The following RCSD1 variants were observed in gnomAD, a reference collection of about 807,000 sequenced individuals.
The protein encoded by RCSD1 is capZ-interacting protein.
A neutral mutation model predicts 42.5 loss-of-function variants in RCSD1; 26 were observed. That is an observed-to-expected ratio of 0.61 (90% confidence interval 0.45 to 0.85). The LOEUF (loss-of-function observed/expected upper bound fraction) is 0.85. Among genes scored for constraint, RCSD1 ranks in the 40% least tolerant of loss-of-function variants. The pLI, the probability that RCSD1 is intolerant of heterozygous loss-of-function variation, is 0.00. For synonymous variants in RCSD1, 220 were observed against 212.2 expected (o/e 1.04, Z -0.32); for missense variants, 571 against 528.3 (o/e 1.08, Z -0.79).
chr1:167,666,171 T>C (rs935345090), intron 1 of RCSD1, among the ~76,000 whole-genome samples: 1 of 152,110 alleles, frequency 6.6e-6, no homozygotes, highest in Non-Finnish European at 1.5e-5. Flanking sequence ...CTGGAGGCAG[T>C]GTGGAGTTGT....
At chr1:167,635,889 T>C (rs1304265419) in intron 1 of RCSD1, among the ~76,000 whole-genome samples, 1 of 152,204 alleles carries the variant, frequency 6.6e-6, no homozygotes, top group Non-Finnish European at 1.5e-5. Flanking sequence ...TGGGGAGTAG[T>C]TCAACCCAAG....
chr1:167,663,155 T>C (rs758473375), intron 1 of RCSD1, among the ~76,000 whole-genome samples: 14 of 152,200 alleles, frequency 9.2e-5, no homozygotes, highest in Non-Finnish European at 1.3e-4. Flanking sequence ...AGGACAGGGC[T>C]TGTCTGCTCA....
At chr1:167,686,181 T>C (rs1659231808) in intron 3 of RCSD1, among the ~76,000 whole-genome samples, 1 of 152,186 alleles carries the variant, frequency 6.6e-6, no homozygotes, top group Non-Finnish European at 1.5e-5. Flanking sequence ...CAGCAACCCA[T>C]GAACCTTCAC....
chr1:167,704,272 T>C (rs780753621), intron 6 of RCSD1, among the ~76,000 whole-genome samples: 13 of 151,964 alleles, frequency 8.6e-5, no homozygotes, highest in Admixed American at 5.9e-4. Flanking sequence ...AATGAGTGAA[T>C]AGGTAAGAGG....
At chr1:167,687,041 G>A (rs764145864) in intron 3 of RCSD1, among the ~76,000 whole-genome samples, 4 of 152,182 alleles carry the variant, frequency 2.6e-5, no homozygotes, top group Non-Finnish European at 4.4e-5. Flanking sequence ...CTCCATCCTG[G>A]CAGCTCTGTG....
intron 1 of RCSD1, among the ~76,000 whole-genome samples, chr1:167,682,668 A>AGTGTGTGTGTGTGT (rs10607777): frequency 2.0e-4 from 28 of 142,618 alleles, no homozygotes; most frequent in Admixed American, 3.5e-4. Flanking sequence ...GCCATGGAAG[A>AGTGTGTGTGTGTGT]GTGTGTGTGT....
rs780006038 is a variant in RCSD1, at chr1:167,694,099, G to A, written c.271G>A (p.Ala91Thr). 10 of 1,614,072 alleles carry A rather than the reference G, an allele frequency of 6.2e-6. No homozygotes were observed. The South Asian group carries it at 9.9e-5, about 16-fold the overall frequency. ...GAAATTGTTCATCTTTTCTTGACAGGCCAATTTAACCTTTGACCCAGCTGC... is the reference window on the plus strand; with the variant it reads ...GAAATTGTTCATCTTTTCTTGACAGACCAATTTAACCTTTGACCCAGCTGC... ...KSSPLIEKLQ[A>T]NLTFDPAALL... The change falls in exon 5 of 7, where the codon GCC (alanine) becomes ACC (threonine). Residue 91 changes from alanine (A) to threonine (T), a missense_variant and splice_region_variant. Physicochemically the swap from Ala to Thr is moderately conservative, Grantham distance 58. Transcript: ENST00000367854.
Position 167,694,247 on chromosome 1 carries a change from T to C in RCSD1, c.419T>C (p.Val140Ala), listed in dbSNP as rs1235797493. ...VRSRPSEAEE[V>A]PVSFDQPPEG... Reference sequence around the variant, plus strand: ...TCTAGGCCCAGCGAGGCAGAGGAGGTGCCTGTCAGCTTCGACCAGCCCCCT... The same window carrying C: ...TCTAGGCCCAGCGAGGCAGAGGAGGCGCCTGTCAGCTTCGACCAGCCCCCT... Residue 140 changes from valine to alanine, a missense_variant, in exon 5 of 7, where the codon GTG (valine) becomes GCG (alanine). Val to Ala is a moderately conservative substitution (Grantham distance 64). Coordinates refer to ENST00000367854, the MANE Select transcript of RCSD1 (RefSeq NM_052862.4). 4 of 1,614,058 alleles carry C rather than the reference T, an allele frequency of 2.5e-6. No individual in the cohort carries two copies. The highest frequency in any genetic ancestry group is 3.4e-6 in the Non-Finnish European group (4 of 1,180,002).
chr1:167,703,009 C>T (rs1310782804), intron 6 of RCSD1, among the ~76,000 whole-genome samples: 1 of 152,164 alleles, frequency 6.6e-6, no homozygotes, highest in South Asian at 2.1e-4. Context: ...AAGTCATTCC[C>T]CTTGGTTTCT....
At chr1:167,690,412 C>A (rs1659347496) in intron 4 of RCSD1, among the ~76,000 whole-genome samples, 4 of 152,098 alleles carry the variant, frequency 2.6e-5, no homozygotes, top group Admixed American at 2.6e-4. Flanking sequence ...CTGGGCTCAC[C>A]CCTATAATCC....
intron 1 of RCSD1, chr1:167,663,974 G>A (rs2102216258): frequency 6.6e-6 from 1 of 152,302 alleles, no homozygotes; most frequent in East Asian, 1.9e-4. Flanking sequence ...GGGAAACTAA[G>A]GCTCAATAAG....
chr1:167,652,433 C>T (rs1221281492), intron 1 of RCSD1, among the ~76,000 whole-genome samples: 1 of 152,246 alleles, frequency 6.6e-6, no homozygotes, highest in East Asian at 1.9e-4. Context: ...CCTCACCGGG[C>T]CCAGATACTT....
chr1:167,695,140 G>T (rs1424021900), intron 5 of RCSD1, among the ~76,000 whole-genome samples: 1 of 152,236 alleles, frequency 6.6e-6, no homozygotes, highest in Non-Finnish European at 1.5e-5. Flanking sequence ...GTAAGGAGGG[G>T]TTCAGGCAGG....
intron 1 of RCSD1, among the ~76,000 whole-genome samples, chr1:167,656,881 A>G (rs900737466): frequency 3.9e-5 from 6 of 152,194 alleles, no homozygotes; most frequent in Admixed American, 3.9e-4. Flanking sequence ...TGCAGTCTCA[A>G]AATAGGAGCT....
chr1:167,704,570 A>G (rs989021484), intron 6 of RCSD1, 94 bp from the exon 7 acceptor site: 1 of 1,048,474 alleles, frequency 9.5e-7, no homozygotes, highest in African/African-American at 1.6e-5. Flanking sequence ...TACTGTTACT[A>G]TTATTGCCAG....
chr1:167,659,598 G>A (rs1403813751), intron 1 of RCSD1, among the ~76,000 whole-genome samples: 1 of 152,202 alleles, frequency 6.6e-6, no homozygotes, highest in Non-Finnish European at 1.5e-5. Flanking sequence ...ATCCAGCAAA[G>A]CATGCTGGGA....
chr1:167,667,152 G>A (rs947732247), intron 1 of RCSD1, among the ~76,000 whole-genome samples: 1 of 151,946 alleles, frequency 6.6e-6, no homozygotes, highest in Non-Finnish European at 1.5e-5. Flanking sequence ...CATTGTAGCT[G>A]AGTAGGCTTC....
chr1:167,659,163 C>T (rs78327305), intron 1 of RCSD1, among the ~76,000 whole-genome samples: 9 of 152,100 alleles, frequency 5.9e-5, no homozygotes, highest in East Asian at 3.9e-4. Flanking sequence ...CAAGTACTAT[C>T]GTAAGTTTGA....
At chr1:167,681,097 A>C (rs1659072618) in intron 1 of RCSD1, among the ~76,000 whole-genome samples, 1 of 152,212 alleles carries the variant, frequency 6.6e-6, no homozygotes, top group Non-Finnish European at 1.5e-5. Flanking sequence ...CATCCCCAAG[A>C]CCACACTTCT....
Sources: gnomAD v4.1 joint callset for allele counts (sites outside exome capture counted in the v4.1 genomes callset) on GRCh38, gnomAD v4.1.1 for gene constraint, MANE v1.5 for transcripts, NCBI Gene and HGNC (gene_info 2026-07-23, HGNC 2026-07-21) for gene names.